The following IL1RAP variants were observed in gnomAD, a reference collection of about 807,000 sequenced individuals.
IL1RAP encodes interleukin 1 receptor accessory protein.
A neutral mutation model predicts 60.7 loss-of-function variants in IL1RAP; 35 were observed. The ratio of observed to expected loss-of-function variants is 0.58; its 90% confidence interval spans 0.44 to 0.76. The LOEUF (loss-of-function observed/expected upper bound fraction) is 0.76. Ranked by LOEUF, IL1RAP falls within the 30% of genes least tolerant of loss-of-function variation. The pLI, the probability that IL1RAP is intolerant of heterozygous loss-of-function variation, is 0.00. For missense variants in IL1RAP, 572 were observed against 693.9 expected, an observed-to-expected ratio of 0.82 and a Z score of 1.97; for synonymous variants, 268 against 250.9, an observed-to-expected ratio of 1.07 and a Z score of -0.64.
At chr3:190,594,842 G>A (rs1471208953) in intron 3 of IL1RAP, among the ~76,000 whole-genome samples, 1 of 152,210 alleles carries the variant, frequency 6.6e-6, no homozygotes, top group African/African-American at 2.4e-5. Context: ...CTCAGTTTAT[G>A]TGTGGTGCTG....
chr3:190,523,638 C>G (rs565967487), intron 1 of IL1RAP, among the ~76,000 whole-genome samples: 1 of 152,060 alleles, frequency 6.6e-6, no homozygotes, highest in Admixed American at 6.5e-5. Flanking sequence ...CTGTTCCTCT[C>G]TTAGTTTGCT....
At chr3:190,622,715 G>C (rs1272665177) in intron 6 of IL1RAP, among the ~76,000 whole-genome samples, 1 of 152,164 alleles carries the variant, frequency 6.6e-6, no homozygotes, top group East Asian at 1.9e-4. Flanking sequence ...GAAGGGTCCT[G>C]AGTTCAGAGC....
At position 190,623,697 on chromosome 3, in the gene IL1RAP, T is replaced by C. The variant is rs57079127; in HGVS notation, c.775+282T>C. 8.4e-3 allele frequency among the ~76,000 whole-genome samples: 1,284 copies of C among 152,334 alleles called. 20 individuals carry two copies. The highest frequency in any genetic ancestry group is 0.03 in the African/African-American group (1,240 of 41,568). The stretch of plus-strand genomic sequence containing the variant: ...TTTCTGTTTGATGCAAACTTTAGCT[T>C]GCACAGGGCTTTGGTTTGCCAAGGC... On this transcript the variant is annotated intron_variant, in intron 7 of 11. Coordinates refer to ENST00000447382, the MANE Select transcript of IL1RAP (RefSeq NM_002182.4).
chr3:190,557,598 T>G (rs1725534570), intron 2 of IL1RAP, among the ~76,000 whole-genome samples: 1 of 152,154 alleles, frequency 6.6e-6, no homozygotes, highest in Non-Finnish European at 1.5e-5. Flanking sequence ...TTCATTGATC[T>G]CTCCATGTAC....
Position 190,566,599 on chromosome 3 carries a change from C to A in IL1RAP, c.64+2246C>A, listed in dbSNP as rs1157368377. On this transcript the variant is annotated intron_variant, in intron 3 of 11. Coordinates refer to ENST00000447382, the MANE Select transcript of IL1RAP (RefSeq NM_002182.4). ...TTCTTGAATAAGATAAGTTCTCATACCAGCCACATTGCGTCACCGTGGGAG... is the reference window on the plus strand; with the variant it reads ...TTCTTGAATAAGATAAGTTCTCATAACAGCCACATTGCGTCACCGTGGGAG... Among the ~76,000 whole-genome samples, 5 of 152,308 alleles carry A rather than the reference C, an allele frequency of 3.3e-5. No individual in the cohort carries two copies. The East Asian group carries it at 9.6e-4, about 29-fold the overall frequency.
intron 3 of IL1RAP, among the ~76,000 whole-genome samples, chr3:190,569,496 T>G (rs3773976): frequency 0.12 from 17,889 of 152,208 alleles, 1,148 homozygotes; most frequent in East Asian, 0.24. Context: ...TACTGTTTCA[T>G]TTTATTCTTA....
rs115290893 is a variant in IL1RAP at position 190,620,481 on chromosome 3, A to G, written c.703+41A>G. 9.5e-3 allele frequency: 14,332 copies of G among 1,513,440 alleles called. 96 individuals carry two copies. Among genetic ancestry groups the G allele is most frequent in the Non-Finnish European group, 0.011 (12,716 of 1,113,020 alleles). 93.8% of individuals were successfully genotyped at this position (1,513,440 alleles called of 1,614,324 possible). On this transcript the variant is annotated intron_variant, in intron 6 of 11. Transcript: ENST00000447382. ...GTCCAGTACACACAACAAGCATGTGATCATCTTGTTATGGTTTTTAATAGT... is the reference window on the plus strand; with the variant it reads ...GTCCAGTACACACAACAAGCATGTGGTCATCTTGTTATGGTTTTTAATAGT...
intron 1 of IL1RAP, among the ~76,000 whole-genome samples, chr3:190,529,424 A>G (rs1577511625): frequency 1.3e-5 from 2 of 150,858 alleles, no homozygotes; most frequent in East Asian, 3.9e-4. Flanking sequence ...GTGGTGGCTC[A>G]TGCCTGTAAT....
intron 11 of IL1RAP, 98 bp from the exon 12 acceptor site, chr3:190,648,240 G>A: frequency 6.8e-7 from 1 of 1,473,844 alleles, no homozygotes; most frequent in East Asian, 2.3e-5. Context: ...TCAATTCTTA[G>A]GCTGGTACCC....
Position 190,523,227 on chromosome 3 carries a change from TA to T in IL1RAP, c.-89+9009del, listed in dbSNP as rs761441139. 2.0e-5 allele frequency among the ~76,000 whole-genome samples: 3 copies of T among 152,226 alleles called. No homozygotes were observed. In the South Asian group the frequency reaches 6.2e-4, roughly 32 times the overall value. On this transcript the variant is annotated intron_variant, in intron 1 of 11. Transcript: ENST00000447382. ...TTGCTTGAATTTGCATGGGTTGGGG[TA>T]GGGGAAGCAGGAATAGGGCTGCTTG... is the stretch of plus-strand genomic sequence containing the variant.
rs771370204 is a variant in IL1RAP at position 190,649,729 on chromosome 3, A to G, written c.*1024A>G. On this transcript the variant is annotated 3_prime_UTR_variant, in exon 12 of 12. Transcript: ENST00000447382. ...AGTGGCCTTGAGAGTTGCTTTTGGC[A>G]TTAATATTCTAAGAGAATTAACTGT... The G allele has an allele frequency of 3.4e-4, 334 of 985,696 alleles. No individual in the cohort carries two copies. Among genetic ancestry groups the G allele is most frequent in the Non-Finnish European group, 3.9e-4 (324 of 829,940 alleles). 61.1% of individuals were successfully genotyped at this position (985,696 alleles called of 1,614,324 possible). A position where few individuals can be genotyped will look rare whatever the true frequency, so the allele number is the denominator to read the frequency against.
At chr3:190,588,470 G>A (rs1728661935) in intron 3 of IL1RAP, among the ~76,000 whole-genome samples, 1 of 152,176 alleles carries the variant, frequency 6.6e-6, no homozygotes. Flanking sequence ...GGAATCACAT[G>A]CAGCATTGGG....
rs1373897259 is a variant in IL1RAP at position 190,630,138 on chromosome 3, A to G, written c.1051+640A>G. 7.8e-6 allele frequency: 6 copies of G among 767,748 alleles called. No individual in the cohort carries two copies. The African/African-American group carries it at 9.5e-5, about 12-fold the overall frequency. The allele number at this position is 767,748 out of a possible 1,614,324, so 47.6% of individuals were successfully genotyped here. A position where few individuals can be genotyped will look rare whatever the true frequency, so the allele number is the denominator to read the frequency against. ...GTATCAATATTTAAGCAGGTTTATA[A>G]TATACCAGCAGCCACAATTGCTAAA... On this transcript the variant is annotated intron_variant, in intron 9 of 11. Transcript: ENST00000447382.
At chr3:190,623,452 C>T (rs4687160) in intron 7 of IL1RAP, 37 bp downstream of exon 7, 1 of 1,386,716 alleles carries the variant, frequency 7.2e-7, no homozygotes, top group Non-Finnish European at 1.0e-6. Context: ...CACTTAGATT[C>T]TCTTAATTAC....
At chr3:190,526,558 G>T (rs989435507) in intron 1 of IL1RAP, among the ~76,000 whole-genome samples, 30 of 152,224 alleles carry the variant, frequency 2.0e-4, no homozygotes, top group African/African-American at 6.7e-4. Context: ...GTAGCAGAAG[G>T]TACTCACTAC....
rs3773960 is a variant in IL1RAP, at chr3:190,591,455, G to A, written c.65-12673G>A. On this transcript the variant is annotated intron_variant, in intron 3 of 11. Transcript: ENST00000447382. ...TATATTGTTTACCCATCTCTCAGAC[G>A]TGTTTTTTGTCCTCTCTCGACTGCA... 3.1e-3 allele frequency among the ~76,000 whole-genome samples: 466 copies of A among 152,186 alleles called. 3 individuals carry two copies. The highest frequency in any genetic ancestry group is 0.012 in the East Asian group (64 of 5,176).
intron 2 of IL1RAP, chr3:190,563,543 G>C (rs1726097615): frequency 6.6e-6 from 1 of 152,186 alleles, no homozygotes; most frequent in Admixed American, 6.5e-5. Context: ...GTAAGGGTAT[G>C]GTTCACAGCA....
At chr3:190,627,153 G>A (rs907550243) in intron 7 of IL1RAP, among the ~76,000 whole-genome samples, 170 bp from the exon 8 acceptor site, 7 of 152,070 alleles carry the variant, frequency 4.6e-5, no homozygotes, top group African/African-American at 1.7e-4. Flanking sequence ...CTCATAAGCA[G>A]GGTTTCAGGT....
chr3:190,649,795 C>A lies in IL1RAP; in HGVS notation c.*1090C>A. The A allele has an allele frequency of 1.0e-6, 1 of 985,086 alleles. No homozygotes were observed. The highest frequency in any genetic ancestry group is 1.1e-4 in the East Asian group (1 of 8,802). 61.0% of individuals were successfully genotyped at this position (985,086 alleles called of 1,614,324 possible). ...TTCACTAGTGCAGGAAATATACTTG[C>A]TCCAAATAAGTCAGTATGAGAAGTC... On this transcript the variant is annotated 3_prime_UTR_variant, in exon 12 of 12. Transcript: ENST00000447382.
Sources: allele counts gnomAD v4.1 joint callset (sites outside exome capture counted in the v4.1 genomes callset), GRCh38; gene constraint gnomAD v4.1.1; transcripts MANE v1.5; gene names NCBI Gene and HGNC (gene_info 2026-07-23, HGNC 2026-07-21).